The following PTPRN2 variants were observed in gnomAD, a reference collection of about 807,000 sequenced individuals.
PTPRN2 encodes protein tyrosine phosphatase receptor type N2, also known as receptor-type tyrosine-protein phosphatase N2.
In PTPRN2, 74 loss-of-function variants were observed where a neutral mutation model predicts 118.8. The observed-to-expected ratio is 0.62, with a 90% confidence interval of 0.52 to 0.76. The LOEUF (loss-of-function observed/expected upper bound fraction) is 0.76, where lower values mean the gene tolerates loss of function less well. Ranked by LOEUF, PTPRN2 falls within the 30% of genes least tolerant of loss-of-function variation. The pLI is 0.00. For synonymous variants in PTPRN2, 641 were observed against 608.0 expected (o/e 1.05, Z -0.80); for missense variants, 1,481 against 1,394.4 (o/e 1.06, Z -0.99).
chr7:158,223,050 C>G (rs1475752738), intron 3 of PTPRN2, among the ~76,000 whole-genome samples: 1 of 152,158 alleles, frequency 6.6e-6, no homozygotes, highest in Non-Finnish European at 1.5e-5. Context: ...ATAAACAACT[C>G]TACACACATA....
At chr7:158,279,166 T>A (rs750696612) in intron 3 of PTPRN2, among the ~76,000 whole-genome samples, 28 of 152,250 alleles carry the variant, frequency 1.8e-4, no homozygotes, top group Non-Finnish European at 3.1e-4. Context: ...CGCACCTACA[T>A]CCTGCTGATT....
At position 158,237,730 on chromosome 7, in the gene PTPRN2, CAGG is replaced by C. The variant is rs1795615944; in HGVS notation, c.278-32460_278-32458del. On this transcript the variant is annotated intron_variant, in intron 3 of 22. Coordinates refer to ENST00000389418, the MANE Select transcript of PTPRN2 (RefSeq NM_002847.5). ...CGTCCCACCTTACGAGAAACACCCA[CAGG>C]TGTGTAGGGGCAACCCACCCCTACA... is the stretch of plus-strand genomic sequence containing the variant. Among the ~76,000 whole-genome samples the C allele has an allele frequency of 2.2e-4, 2 of 8,936 alleles. 1 individual carries two copies. Among genetic ancestry groups the C allele is most frequent in the Non-Finnish European group, 3.5e-4 (2 of 5,750 alleles). 5.9% of individuals were successfully genotyped at this position (8,936 alleles called of 152,430 possible).
chr7:158,004,127 C>T (rs563351759), intron 11 of PTPRN2, among the ~76,000 whole-genome samples: 1 of 151,878 alleles, frequency 6.6e-6, no homozygotes, highest in South Asian at 2.1e-4. Flanking sequence ...TCTGTTAATG[C>T]TTCCAGTGCC....
At chr7:157,772,102 GATACACACACACAGAC>G (rs1196416783) in intron 12 of PTPRN2, among the ~76,000 whole-genome samples, 1 of 140,488 alleles carries the variant, frequency 7.1e-6, no homozygotes, top group African/African-American at 2.7e-5. Context: ...CACACACATG[GATACACACACACAGAC>G]ATACACATAC....
At chr7:158,253,516 G>A (rs571593537) in intron 3 of PTPRN2, among the ~76,000 whole-genome samples, 1 of 152,276 alleles carries the variant, frequency 6.6e-6, no homozygotes, top group African/African-American at 2.4e-5. Flanking sequence ...AACCATCTAG[G>A]GCAGGGGCAG....
At chr7:157,815,306 C>T (rs551702088) in intron 12 of PTPRN2, among the ~76,000 whole-genome samples, 23 of 152,362 alleles carry the variant, frequency 1.5e-4, no homozygotes, top group South Asian at 1.0e-3. Flanking sequence ...CTCAGGCCTG[C>T]GCCCTCCCAT....
chr7:158,291,917 C>T (rs961838804), intron 3 of PTPRN2, among the ~76,000 whole-genome samples: 1 of 152,060 alleles, frequency 6.6e-6, no homozygotes, highest in Non-Finnish European at 1.5e-5. Context: ...AACAAGAGGC[C>T]CAGACATCAA....
intron 1 of PTPRN2, among the ~76,000 whole-genome samples, chr7:158,561,726 T>A (rs1563436380): frequency 6.6e-6 from 1 of 152,018 alleles, no homozygotes; most frequent in Non-Finnish European, 1.5e-5. Context: ...ATAGCACAGG[T>A]CTGTGCACAG....
chr7:157,784,664 G>T lies in PTPRN2; in HGVS notation c.1789-101727C>A, dbSNP rs1803907477. On this transcript the variant is annotated intron_variant, in intron 12 of 22. Coordinates refer to ENST00000389418, the MANE Select transcript of PTPRN2 (RefSeq NM_002847.5). The surrounding 1 kb of genome is among the most constrained non-coding windows in gnomAD (Gnocchi z 4.6). ...GGCTGGGCTGATCCCGTATGAAACG[G>T]GCAGGGGCTGGGCTGATCCCGTATG... Among the ~76,000 whole-genome samples the T allele has an allele frequency of 7.9e-6, 1 of 127,378 alleles. No homozygotes were observed. Among genetic ancestry groups the T allele is most frequent in the Non-Finnish European group, 1.8e-5 (1 of 56,298 alleles). 83.6% of individuals were successfully genotyped at this position (127,378 alleles called of 152,430 possible).
chr7:158,108,730 C>A (rs1407509000), intron 10 of PTPRN2, among the ~76,000 whole-genome samples: 1 of 152,232 alleles, frequency 6.6e-6, no homozygotes, highest in Non-Finnish European at 1.5e-5. Flanking sequence ...TCATGCATGT[C>A]CCCTAGTGCC....
chr7:157,800,941 G>T (rs1301943876), intron 12 of PTPRN2, among the ~76,000 whole-genome samples: 1 of 151,070 alleles, frequency 6.6e-6, no homozygotes, highest in African/African-American at 2.4e-5. Context: ...AACAGAGAGA[G>T]ACTCCGTTTC....
intron 19 of PTPRN2, among the ~76,000 whole-genome samples, chr7:157,575,413 G>A (rs1249998500): frequency 4.6e-5 from 7 of 152,206 alleles, no homozygotes; most frequent in Non-Finnish European, 5.9e-5. Flanking sequence ...TACGCTCTGC[G>A]TCCCCAGGGG....
chr7:158,409,974 C>T (rs1161526679), intron 2 of PTPRN2, among the ~76,000 whole-genome samples: 1 of 152,152 alleles, frequency 6.6e-6, no homozygotes, highest in Non-Finnish European at 1.5e-5. Flanking sequence ...TGGGGTGTGC[C>T]CCCACAGCCC....
intron 12 of PTPRN2, among the ~76,000 whole-genome samples, chr7:157,872,974 C>G (rs1584923528): frequency 6.6e-6 from 1 of 152,266 alleles, no homozygotes; most frequent in Non-Finnish European, 1.5e-5. Context: ...GGACACTTTT[C>G]TGTCTGCACT....
chr7:157,723,000 T>C (rs1799329758), intron 12 of PTPRN2, among the ~76,000 whole-genome samples: 1 of 152,216 alleles, frequency 6.6e-6, no homozygotes, highest in African/African-American at 2.4e-5. Flanking sequence ...CTGCAGAGTT[T>C]CGTTACCATT....
Position 157,611,804 on chromosome 7 carries a change from C to T in PTPRN2, c.2345-7729G>A, listed in dbSNP as rs1325965736. Among the ~76,000 whole-genome samples, 5 of 147,316 alleles carry T rather than the reference C, an allele frequency of 3.4e-5. No homozygotes were observed. The highest frequency in any genetic ancestry group is 1.0e-4 in the African/African-American group (4 of 39,596). On this transcript the variant is annotated intron_variant, in intron 15 of 22. Transcript: ENST00000389418. This position sits in a 1 kb window ranked among gnomAD's most constrained non-coding sequence, Gnocchi z 5.9. ...ATGCTGGGGACACGCGGAGGGAGAG[C>T]GCCCGTGTGAAGACGAAGACAGCCG...
At chr7:158,388,374 C>T (rs1811668482) in intron 2 of PTPRN2, among the ~76,000 whole-genome samples, 1 of 152,200 alleles carries the variant, frequency 6.6e-6, no homozygotes, top group Admixed American at 6.5e-5. Flanking sequence ...GCATTTCTTC[C>T]CAGCCAGCGA....
intron 2 of PTPRN2, among the ~76,000 whole-genome samples, chr7:158,482,013 G>A (rs1374858942): frequency 6.6e-6 from 1 of 152,224 alleles, no homozygotes; most frequent in Middle Eastern, 3.2e-3. Context: ...AGGAACTGCA[G>A]ATGTGGTGGG....
At chr7:157,837,671 G>A (rs118024505) in intron 12 of PTPRN2, among the ~76,000 whole-genome samples, 1,723 of 152,196 alleles carry the variant, frequency 0.011, 22 homozygotes, top group Non-Finnish European at 0.019. Flanking sequence ...TCCAGCCCCC[G>A]CAGGGCAGGG....
Sources: gnomAD v4.1 joint callset for allele counts (sites outside exome capture counted in the v4.1 genomes callset) on GRCh38, gnomAD v4.1.1 for gene constraint, Gnocchi (gnomAD v3.1) non-coding constraint, MANE v1.5 for transcripts, NCBI Gene and HGNC (gene_info 2026-07-23, HGNC 2026-07-21) for gene names.